The following ERBB4 variants were observed in gnomAD, a reference collection of about 807,000 sequenced individuals.
The protein encoded by ERBB4 is erb-b2 receptor tyrosine kinase 4.
Under a neutral mutation model 158.0 loss-of-function variants are expected in ERBB4, and 42 were observed. The ratio of observed to expected loss-of-function variants is 0.27; its 90% CI spans 0.21 to 0.34. The LOEUF (loss-of-function observed/expected upper bound fraction) is 0.34, where lower values mean the gene tolerates loss of function less well. Ranked by LOEUF, ERBB4 falls within the 10% of genes least tolerant of loss-of-function variation. The pLI is 1.00. For missense variants in ERBB4, 1,333 were observed against 1,624.1 expected (o/e 0.82, Z 3.08); for synonymous variants, 583 against 558.7 (o/e 1.04, Z -0.61).
chr2:211,579,390 C>T lies in ERBB4; in HGVS notation c.2302-17302G>A, dbSNP rs114616274. The stretch of plus-strand genomic sequence containing the variant: ...TCAACCATTGTGGAATATAGTGTGG[C>T]AAATCCTCAAAGATGTAAAACCAGA... On this transcript the variant is annotated intron_variant, in intron 19 of 27. Transcript: ENST00000342788. Among the ~76,000 whole-genome samples, 1,399 of 152,188 alleles carry T rather than the reference C, an allele frequency of 9.2e-3. 19 individuals are homozygous for T. Among genetic ancestry groups the T allele is most frequent in the African/African-American group, 0.031 (1,270 of 41,518 alleles).
chr2:212,306,624 A>G lies in ERBB4; in HGVS notation c.83-181721T>C, dbSNP rs181990004. On this transcript the variant is annotated intron_variant, in intron 1 of 27. Transcript: ENST00000342788. Reference sequence around the variant, plus strand: ...ACATTTCTTCCTTATTTTATTCAATATTTATTAAACTGCATATCCTAACAT... The same window carrying G: ...ACATTTCTTCCTTATTTTATTCAATGTTTATTAAACTGCATATCCTAACAT... 2.3e-3 allele frequency among the ~76,000 whole-genome samples: 355 copies of G among 151,542 alleles called. 1 individual carries two copies. Among genetic ancestry groups the G allele is most frequent in the African/African-American group, 8.3e-3 (343 of 41,464 alleles).
rs1247833542 is a variant in ERBB4, at chr2:211,630,536, G to A, written c.2005C>T (p.Leu669=). 6.2e-7 allele frequency: 1 copy of A among 1,612,984 alleles called. No individual in the cohort carries two copies. Among genetic ancestry groups the A allele is most frequent in the Admixed American group, 1.7e-5 (1 of 59,926 alleles). ...CTTCTAACATAAACAGCAAATGTCA[G>A]ACCCACAATGACCAGAATGAAGAGC... The part of the protein sequence containing the change: ...GGLFILVIVG[L]TFAVYVRRKS... The change falls in exon 17 of 28, where the codon CTG becomes TTG. Residue 669 remains leucine, a synonymous_variant. Coordinates refer to ENST00000342788, the MANE Select transcript of ERBB4 (RefSeq NM_005235.3).
chr2:211,794,436 A>G (rs1025518028), intron 3 of ERBB4, among the ~76,000 whole-genome samples: 5 of 152,064 alleles, frequency 3.3e-5, no homozygotes, highest in African/African-American at 1.2e-4. Context: ...GATTAGAACT[A>G]TGATGTACAC....
chr2:211,631,332 A>G (rs754905520), intron 16 of ERBB4, among the ~76,000 whole-genome samples: 8 of 152,180 alleles, frequency 5.3e-5, no homozygotes, highest in Non-Finnish European at 8.8e-5. Flanking sequence ...TGAAACTCTG[A>G]TTAGGGCAAC....
At chr2:212,068,055 C>T (rs1386061836) in intron 2 of ERBB4, among the ~76,000 whole-genome samples, 2 of 151,990 alleles carry the variant, frequency 1.3e-5, no homozygotes, top group Admixed American at 6.6e-5. Context: ...TTAATTGGTT[C>T]AGTTCATGGG....
intron 20 of ERBB4, among the ~76,000 whole-genome samples, chr2:211,469,448 A>G (rs548509622): frequency 1.3e-5 from 2 of 152,136 alleles, no homozygotes; most frequent in Non-Finnish European, 1.5e-5. Flanking sequence ...TGAGATATGC[A>G]TGTTTATTCC....
At chr2:212,347,200 C>CA in intron 1 of ERBB4, among the ~76,000 whole-genome samples, 1 of 151,974 alleles carries the variant, frequency 6.6e-6, no homozygotes. Flanking sequence ...AGATAAATGC[C>CA]AAAGGAAGAA....
intron 1 of ERBB4, among the ~76,000 whole-genome samples, chr2:212,155,894 G>T (rs1256359224): frequency 7.2e-5 from 11 of 152,136 alleles, no homozygotes; most frequent in African/African-American, 2.4e-5. Flanking sequence ...ATTATAAAAA[G>T]AACACATATA....
At chr2:211,440,126 G>A (rs1247876818) in intron 20 of ERBB4, among the ~76,000 whole-genome samples, 6 of 152,180 alleles carry the variant, frequency 3.9e-5, no homozygotes, top group Non-Finnish European at 5.9e-5. Flanking sequence ...ACTACATTGT[G>A]AGTAAAAAGC....
intron 5 of ERBB4, among the ~76,000 whole-genome samples, chr2:211,729,216 C>G (rs1377061185): frequency 6.6e-6 from 1 of 151,618 alleles, no homozygotes; most frequent in African/African-American, 2.4e-5. Context: ...TAGAAACATG[C>G]AGAAAAATTC....
At chr2:211,984,871 C>T (rs1018653799) in intron 2 of ERBB4, among the ~76,000 whole-genome samples, 1 of 151,994 alleles carries the variant, frequency 6.6e-6, no homozygotes, top group Non-Finnish European at 1.5e-5. Flanking sequence ...TACAGGTGCC[C>T]ACCGCCATGC....
chr2:212,320,723 T>C (rs981597679), intron 1 of ERBB4, among the ~76,000 whole-genome samples: 2 of 150,110 alleles, frequency 1.3e-5, no homozygotes, highest in African/African-American at 4.9e-5. Context: ...TTTTTCTCTC[T>C]GGCCCTAGGG....
At chr2:211,485,248 T>G (rs968801887) in intron 20 of ERBB4, among the ~76,000 whole-genome samples, 6 of 151,834 alleles carry the variant, frequency 4.0e-5, no homozygotes, top group African/African-American at 9.7e-5. Context: ...GAATCTACCT[T>G]TGCTTCAGGA....
intron 16 of ERBB4, among the ~76,000 whole-genome samples, chr2:211,652,961 TAAAC>T (rs1012583452): frequency 4.0e-5 from 6 of 151,464 alleles, no homozygotes; most frequent in Non-Finnish European, 7.4e-5. Context: ...TTAAAAGAAA[TAAAC>T]AAACAAACAA....
At chr2:212,331,667 CTCAA>C (rs1185209615) in intron 1 of ERBB4, among the ~76,000 whole-genome samples, 1 of 151,952 alleles carries the variant, frequency 6.6e-6, no homozygotes, top group African/African-American at 2.4e-5. Context: ...TATTACCAAA[CTCAA>C]TCAAATTAGT....
rs578062943 is a variant in ERBB4 at position 211,944,778 on chromosome 2, C to G, written c.421+2652G>C. ...ACACACAAGTTGCTGGGCCCCACCC[C>G]CAGAGTTTCTCATTCAGTAGGTTTC... is the stretch of plus-strand genomic sequence containing the variant. On this transcript the variant is annotated intron_variant, in intron 3 of 27. Transcript: ENST00000342788. Among the ~76,000 whole-genome samples, 4 of 152,156 alleles carry G rather than the reference C, an allele frequency of 2.6e-5. No homozygotes were observed. The South Asian group carries it at 8.3e-4, about 32-fold the overall frequency.
rs187915583 is a variant in ERBB4, at chr2:211,902,025, T to G, written c.421+45405A>C. Among the ~76,000 whole-genome samples the G allele has an allele frequency of 1.1e-3, 161 of 151,342 alleles. 1 individual carries two copies. The highest frequency in any genetic ancestry group is 0.01 in the Middle Eastern group (3 of 292). ...TATGTTTTGAGACTCACAAAATAGT[T>G]TTTTTTTTAGTTAGAAAGCTTTCCA... On this transcript the variant is annotated intron_variant, in intron 3 of 27. Coordinates refer to ENST00000342788, the MANE Select transcript of ERBB4 (RefSeq NM_005235.3).
At chr2:212,527,825 G>A (rs1473968033) in intron 1 of ERBB4, among the ~76,000 whole-genome samples, 1 of 150,198 alleles carries the variant, frequency 6.7e-6, no homozygotes, top group African/African-American at 2.5e-5. Flanking sequence ...TTAGCATTAG[G>A]TATATCTCCT....
intron 1 of ERBB4, among the ~76,000 whole-genome samples, chr2:212,424,497 G>A (rs1443312943): frequency 6.6e-6 from 1 of 152,016 alleles, no homozygotes. Flanking sequence ...AATTATAAGA[G>A]AACAACTTTT....
Sources: allele counts gnomAD v4.1 joint callset (sites outside exome capture counted in the v4.1 genomes callset), GRCh38; gene constraint gnomAD v4.1.1; transcripts MANE v1.5; gene names NCBI Gene and HGNC (gene_info 2026-07-23, HGNC 2026-07-21).